The following TTC7A variants were observed in gnomAD, a reference collection of about 807,000 sequenced individuals.
TTC7A encodes the protein tetratricopeptide repeat protein 7A.
In TTC7A, 110 loss-of-function variants were observed where a neutral mutation model predicts 103.7. The observed-to-expected ratio is 1.06, with a 90% CI of 0.91 to 1.24. The LOEUF is 1.24. Ranked by LOEUF, TTC7A falls within the 50% of genes most tolerant of loss-of-function variation. TTC7A has a pLI of 0.00. For synonymous variants in TTC7A, 521 were observed against 467.9 expected, an observed-to-expected ratio of 1.11 and a Z score of -1.47; for missense variants, 1,340 against 1,116.3, an observed-to-expected ratio of 1.20 and a Z score of -2.86.
chr2:47,006,574 G>C (rs1463604233), intron 9 of TTC7A, 67 bp from the exon 10 acceptor site: 3 of 1,398,468 alleles, frequency 2.1e-6, no homozygotes, highest in East Asian at 4.6e-5. Flanking sequence ...AACTACCCTG[G>C]AAGGGTGCGG....
chr2:46,990,451 T>G (rs574372328), intron 5 of TTC7A, among the ~76,000 whole-genome samples: 1 of 152,288 alleles, frequency 6.6e-6, no homozygotes, highest in African/African-American at 2.4e-5. Context: ...AGGCGGAAGG[T>G]GGTCACAAAG....
intron 2 of TTC7A, among the ~76,000 whole-genome samples, chr2:46,955,011 G>C (rs1013662378): frequency 6.6e-6 from 1 of 152,174 alleles, no homozygotes; most frequent in African/African-American, 2.4e-5. Flanking sequence ...CCATCAGCAT[G>C]CCTGAAATGT....
At chr2:46,928,470 A>AC (rs1386494806) in intron 2 of TTC7A, among the ~76,000 whole-genome samples, 3 of 151,070 alleles carry the variant, frequency 2.0e-5, no homozygotes, top group African/African-American at 7.3e-5. Context: ...AAAAAAAAAA[A>AC]AAAAAAAAAA....
chr2:46,974,845 CCTCCGCCT>C, intron 3 of TTC7A, 120 bp from the exon 4 acceptor site: 1 of 1,334,248 alleles, frequency 7.5e-7, no homozygotes, highest in South Asian at 1.3e-5. Flanking sequence ...CCTCCGCAGA[CCTCCGCCT>C]CCTCCTGGCT....
chr2:47,012,172 T>C (rs1678143478), intron 11 of TTC7A, among the ~76,000 whole-genome samples: 1 of 152,220 alleles, frequency 6.6e-6, no homozygotes. Context: ...CTATGGGGGC[T>C]CTTGGGCCAC....
At chr2:47,051,599 T>G (rs1682860274) in intron 17 of TTC7A, 147 bp from the exon 18 acceptor site, 769 of 1,013,122 alleles carry the variant, frequency 7.6e-4, no homozygotes, top group Non-Finnish European at 9.7e-4. Context: ...AGTGGGTCTG[T>G]GAGCTGCTTT....
At chr2:47,072,736 G>A (rs947470351) in intron 19 of TTC7A, among the ~76,000 whole-genome samples, 2 of 152,160 alleles carry the variant, frequency 1.3e-5, no homozygotes, top group African/African-American at 4.8e-5. Context: ...GTCATCTCAT[G>A]CCACCCTCAG....
At chr2:46,954,914 C>T (rs1671718778) in intron 2 of TTC7A, among the ~76,000 whole-genome samples, 1 of 152,032 alleles carries the variant, frequency 6.6e-6, no homozygotes, top group African/African-American at 2.4e-5. Flanking sequence ...ATAAAACATG[C>T]CCTGCATTGT....
chr2:46,998,788 T>C (rs1572861047), intron 8 of TTC7A, among the ~76,000 whole-genome samples: 1 of 152,138 alleles, frequency 6.6e-6, no homozygotes, highest in Admixed American at 6.6e-5. Flanking sequence ...GGAGTGGCTG[T>C]GTGGTGTGGG....
chr2:47,052,520 AT>A (rs1682950506), intron 18 of TTC7A, among the ~76,000 whole-genome samples: 1 of 152,192 alleles, frequency 6.6e-6, no homozygotes, highest in South Asian at 2.1e-4. Flanking sequence ...CATGGCAGTC[AT>A]GGTGGAGGAA....
chr2:47,021,979 G>C lies in TTC7A; in HGVS notation c.1510G>C (p.Ala504Pro). ...CACCTATAGCCTGCAGGCCACCGAC[G>C]GTGAGTGCCAGGCCCCAGGAGGCCT... is the stretch of plus-strand genomic sequence containing the variant. ...GLTYSLQATD[A>P]TLKSKQDELH... The change falls in exon 12 of 20, where the codon GCC becomes CCC. Residue 504 changes from alanine (A) to proline (P), a missense_variant and splice_region_variant. By Grantham distance (27) the Ala-to-Pro change is conservative (BLOSUM62 -1). Transcript: ENST00000319190. The C allele has an allele frequency of 4.4e-6, 7 of 1,607,522 alleles. No homozygotes were observed. Among genetic ancestry groups the C allele is most frequent in the Non-Finnish European group, 6.0e-6 (7 of 1,174,956 alleles).
At chr2:46,973,373 G>A (rs1673543874) in intron 3 of TTC7A, among the ~76,000 whole-genome samples, 1 of 152,202 alleles carries the variant, frequency 6.6e-6, no homozygotes, top group East Asian at 1.9e-4. Flanking sequence ...TGGCAGAAGA[G>A]GAGCTCGAGA....
intron 15 of TTC7A, among the ~76,000 whole-genome samples, chr2:47,043,071 G>A (rs375774488): frequency 8.5e-5 from 13 of 152,222 alleles, no homozygotes; most frequent in East Asian, 7.7e-4. Flanking sequence ...CCAGGGCTCC[G>A]CCAGGCTTCC....
rs568833404 is a variant in TTC7A at position 47,049,317 on chromosome 2, C to T, written c.1920-632C>T. Among the ~76,000 whole-genome samples, 38 of 152,136 alleles carry T rather than the reference C, an allele frequency of 2.5e-4. No individual in the cohort carries two copies. The South Asian group carries it at 5.4e-3, about 22-fold the overall frequency. ...AGCTGGAGGCTATTTCCTGGCTCCC[C>T]GCTGCCCCCACTCTGTGAAAAGAGG... On this transcript the variant is annotated intron_variant, in intron 16 of 19. Transcript: ENST00000319190.
intron 16 of TTC7A, among the ~76,000 whole-genome samples, chr2:47,048,702 A>C (rs552162347): frequency 6.6e-6 from 1 of 152,194 alleles, no homozygotes; most frequent in South Asian, 2.1e-4. Flanking sequence ...CCCTGGGCTT[A>C]AGCAATCCTC....
chr2:47,054,554 C>T (rs762464762), intron 18 of TTC7A, among the ~76,000 whole-genome samples: 20 of 152,128 alleles, frequency 1.3e-4, no homozygotes, highest in East Asian at 3.9e-4. Context: ...GGGATCAGGC[C>T]GGGTGCGGTG....
At chr2:46,958,042 G>T (rs1253761885) in intron 3 of TTC7A, among the ~76,000 whole-genome samples, 5 of 152,180 alleles carry the variant, frequency 3.3e-5, no homozygotes, top group African/African-American at 9.7e-5. Flanking sequence ...TCCATGCTCT[G>T]ACTCTGGCCT....
intron 11 of TTC7A, among the ~76,000 whole-genome samples, chr2:47,020,566 T>C (rs994631298): frequency 3.9e-5 from 6 of 152,236 alleles, no homozygotes; most frequent in Admixed American, 2.6e-4. Flanking sequence ...GGCTGGCAGC[T>C]TGAGCTCGCC....
intron 1 of TTC7A, among the ~76,000 whole-genome samples, chr2:46,947,658 A>C (rs1490947312): frequency 6.6e-6 from 1 of 152,216 alleles, no homozygotes; most frequent in Non-Finnish European, 1.5e-5. Context: ...TGGAGGTTGC[A>C]GTGAGCTGAG....
Sources: allele counts gnomAD v4.1 joint callset (sites outside exome capture counted in the v4.1 genomes callset), GRCh38; gene constraint gnomAD v4.1.1; transcripts MANE v1.5; gene names NCBI Gene and HGNC (gene_info 2026-07-23, HGNC 2026-07-21).